DNM3: variants seen among roughly 807,000 people sequenced by gnomAD.
The protein encoded by DNM3 is dynamin-3.
A neutral mutation model predicts 101.6 loss-of-function variants in DNM3; 47 were observed. The ratio of observed to expected loss-of-function variants is 0.46; its 90% CI spans 0.37 to 0.59. The LOEUF is 0.59. Ranked by LOEUF, DNM3 falls within the 20% of genes least tolerant of loss-of-function variation. The pLI is 0.00. For synonymous variants in DNM3, 385 were observed against 387.9 expected, an observed-to-expected ratio of 0.99 and a Z score of 0.09; for missense variants, 849 against 1,085.7, an observed-to-expected ratio of 0.78 and a Z score of 3.06.
At chr1:172,046,168 A>G (rs2049778670) in intron 9 of DNM3, among the ~76,000 whole-genome samples, 2 of 152,152 alleles carry the variant, frequency 1.3e-5, no homozygotes, top group Admixed American at 6.5e-5. Flanking sequence ...ATGTCCAACA[A>G]TGATAGACTG....
At chr1:172,052,306 G>A (rs1007173585) in intron 10 of DNM3, among the ~76,000 whole-genome samples, 1 of 152,054 alleles carries the variant, frequency 6.6e-6, no homozygotes, top group African/African-American at 2.4e-5. Flanking sequence ...CACCTCCTTA[G>A]AGGATGTACT....
intron 14 of DNM3, among the ~76,000 whole-genome samples, chr1:172,143,808 G>A (rs980080316): frequency 6.6e-6 from 1 of 152,078 alleles, no homozygotes; most frequent in African/African-American, 2.4e-5. Context: ...ATAAGTTGTG[G>A]GTCGGTGCTC....
chr1:171,999,721 T>C (rs184624096), intron 4 of DNM3, among the ~76,000 whole-genome samples: 85 of 152,244 alleles, frequency 5.6e-4, no homozygotes, highest in African/African-American at 2.0e-3. Flanking sequence ...TAATCCTGGA[T>C]TTAGGGTAGA....
At chr1:171,858,788 C>T (rs937476717) in intron 1 of DNM3, among the ~76,000 whole-genome samples, 2 of 152,134 alleles carry the variant, frequency 1.3e-5, no homozygotes, top group Non-Finnish European at 2.9e-5. Context: ...CCCATCAGTA[C>T]ACTGAAACCG....
At chr1:172,362,515 G>A (rs898534107) in intron 17 of DNM3, among the ~76,000 whole-genome samples, 1 of 151,886 alleles carries the variant, frequency 6.6e-6, no homozygotes, top group African/African-American at 2.4e-5. Context: ...CTCCTGTACA[G>A]CATACTGAAT....
At chr1:171,993,159 A>G (rs1449466913) in intron 4 of DNM3, among the ~76,000 whole-genome samples, 3 of 152,108 alleles carry the variant, frequency 2.0e-5, no homozygotes, top group Non-Finnish European at 4.4e-5. Flanking sequence ...ATTGTCTATT[A>G]TATTTAACTA....
chr1:172,196,679 T>C (rs147885789), intron 14 of DNM3, among the ~76,000 whole-genome samples: 2 of 152,114 alleles, frequency 1.3e-5, no homozygotes, highest in Non-Finnish European at 2.9e-5. Flanking sequence ...TTTTTTTATA[T>C]GTTTATTGAC....
rs779529064 is a variant in DNM3, at chr1:172,034,576, C to T, written c.849+1311C>T. On this transcript the variant is annotated intron_variant, in intron 6 of 20. Coordinates refer to ENST00000627582, the MANE Select transcript of DNM3 (RefSeq NM_015569.5). ...CCAAGTTATGACACAATTGGATTCT[C>T]GTTGACTAAAAATTGAATGATTTTT... is the stretch of plus-strand genomic sequence containing the variant. Among the ~76,000 whole-genome samples, 20 of 149,722 alleles carry T rather than the reference C, an allele frequency of 1.3e-4. No homozygotes were observed. The South Asian group carries it at 1.5e-3, about 11-fold the overall frequency.
intron 14 of DNM3, among the ~76,000 whole-genome samples, chr1:172,203,304 C>T (rs1013486643): frequency 6.6e-6 from 1 of 152,140 alleles, no homozygotes; most frequent in Non-Finnish European, 1.5e-5. Context: ...GTGCTGCATC[C>T]GCTGAGAATT....
chr1:172,339,758 T>C (rs971610245), intron 17 of DNM3, among the ~76,000 whole-genome samples: 1 of 152,208 alleles, frequency 6.6e-6, no homozygotes, highest in African/African-American at 2.4e-5. Flanking sequence ...ACATCAGTTC[T>C]GTTCAACAAT....
chr1:171,882,086 C>T (rs2036310713), intron 1 of DNM3, among the ~76,000 whole-genome samples: 1 of 152,062 alleles, frequency 6.6e-6, no homozygotes, highest in Admixed American at 6.5e-5. Flanking sequence ...GTGGCTCACA[C>T]CTGTAATCCC....
chr1:172,263,564 C>T (rs557310247), intron 15 of DNM3, among the ~76,000 whole-genome samples: 2 of 152,286 alleles, frequency 1.3e-5, no homozygotes, highest in Non-Finnish European at 2.9e-5. Context: ...GCCTCACAAT[C>T]ATGGCAGAAG....
chr1:172,316,288 C>G (rs989426791), intron 16 of DNM3, among the ~76,000 whole-genome samples: 2 of 151,882 alleles, frequency 1.3e-5, no homozygotes, highest in African/African-American at 4.8e-5. Context: ...AAAATCATGC[C>G]AAAATGTAAA....
intron 18 of DNM3, among the ~76,000 whole-genome samples, chr1:172,384,944 T>A (rs1379360266): frequency 6.6e-6 from 1 of 152,208 alleles, no homozygotes; most frequent in African/African-American, 2.4e-5. Flanking sequence ...CATTTAGAAG[T>A]GAATGCGTCT....
At chr1:172,020,305 A>G (rs538261908) in intron 4 of DNM3, among the ~76,000 whole-genome samples, 8 of 152,192 alleles carry the variant, frequency 5.3e-5, no homozygotes, top group South Asian at 2.1e-4. Context: ...CTTCCCCTAT[A>G]TAGAAGGCTA....
At chr1:172,281,912 C>A (rs919181101) in intron 15 of DNM3, among the ~76,000 whole-genome samples, 1 of 152,054 alleles carries the variant, frequency 6.6e-6, no homozygotes, top group Non-Finnish European at 1.5e-5. Context: ...ATGTATAACT[C>A]TTATGTATTT....
intron 20 of DNM3, among the ~76,000 whole-genome samples, chr1:172,399,264 C>G (rs913212015): frequency 7.9e-5 from 12 of 152,150 alleles, no homozygotes; most frequent in African/African-American, 2.9e-4. Context: ...GCGACTGAAC[C>G]TTTAGGAGTT....
At chr1:172,005,781 C>A (rs1446334301) in intron 4 of DNM3, among the ~76,000 whole-genome samples, 8 of 152,002 alleles carry the variant, frequency 5.3e-5, no homozygotes, top group Admixed American at 2.6e-4. Flanking sequence ...CCAACAAAAC[C>A]AATTGACTTA....
intron 4 of DNM3, among the ~76,000 whole-genome samples, chr1:172,017,904 A>G (rs2047554978): frequency 6.6e-6 from 1 of 152,102 alleles, no homozygotes; most frequent in South Asian, 2.1e-4. Flanking sequence ...CATGTTAAGA[A>G]TTGTTATGCC....
Sources: gnomAD v4.1 joint callset for allele counts (sites outside exome capture counted in the v4.1 genomes callset) on GRCh38, gnomAD v4.1.1 for gene constraint, MANE v1.5 for transcripts, NCBI Gene and HGNC (gene_info 2026-07-23, HGNC 2026-07-21) for gene names.